The following MTERF3 variants were observed in gnomAD, a reference collection of about 807,000 sequenced individuals.
MTERF3 encodes the protein transcription termination factor 3, mitochondrial.
A neutral mutation model predicts 40.5 loss-of-function variants in MTERF3; 40 were observed. The observed-to-expected ratio is 0.99, with a 90% CI of 0.77 to 1.29. The LOEUF (loss-of-function observed/expected upper bound fraction) is 1.29, where lower values mean the gene tolerates loss of function less well. Among genes scored for constraint, MTERF3 ranks in the 50% most tolerant of loss-of-function variants. The pLI, the probability that MTERF3 is intolerant of heterozygous loss-of-function variation, is 0.00. For missense variants in MTERF3, 452 were observed against 478.2 expected (o/e 0.95, Z 0.51); for synonymous variants, 158 against 166.6 (o/e 0.95, Z 0.40).
At chr8:96,250,773 AAGG>A (rs1204102440) in intron 4 of MTERF3, 130 bp downstream of exon 4, 1 of 674,506 alleles carries the variant, frequency 1.5e-6, no homozygotes, top group Non-Finnish European at 2.3e-6. Flanking sequence ...TAGATCAAAG[AAGG>A]TCTATAACAA....
intron 7 of MTERF3, among the ~76,000 whole-genome samples, chr8:96,242,118 C>CA (rs1314226917): frequency 6.6e-6 from 1 of 152,116 alleles, no homozygotes; most frequent in African/African-American, 2.4e-5. Flanking sequence ...AAACACCAGC[C>CA]AAAAATGTAA....
chr8:96,256,848 G>A, intron 3 of MTERF3, 114 bp downstream of exon 3: 1 of 909,568 alleles, frequency 1.1e-6, no homozygotes, highest in Non-Finnish European at 1.5e-6. Context: ...TATGCTATTA[G>A]ACTTTTGCTT....
At chr8:96,259,750 GCATA>G (rs972736467) in intron 1 of MTERF3, among the ~76,000 whole-genome samples, 18 of 152,174 alleles carry the variant, frequency 1.2e-4, no homozygotes, top group Admixed American at 9.2e-4. Context: ...TTGTTTTTCT[GCATA>G]CTGGAATTCA....
chr8:96,240,002 T>G, intron 7 of MTERF3: 4 of 579,186 alleles, frequency 6.9e-6, no homozygotes, highest in Non-Finnish European at 1.2e-5. Context: ...GGCTCACGCC[T>G]TTAGTGAGGC....
intron 7 of MTERF3, among the ~76,000 whole-genome samples, chr8:96,243,454 C>T (rs1223798914): frequency 3.3e-5 from 5 of 152,152 alleles, no homozygotes; most frequent in Non-Finnish European, 7.4e-5. Flanking sequence ...TTCTTGTGAA[C>T]AGCAGATAAT....
At position 96,243,810 on chromosome 8, in the gene MTERF3, G is replaced by A. The variant is rs189333022; in HGVS notation, c.1059+109C>T. The A allele has an allele frequency of 9.8e-5, 117 of 1,189,628 alleles. 1 individual carries two copies. In the East Asian group the frequency reaches 2.5e-3, roughly 25 times the overall value. The allele number at this position is 1,189,628 out of a possible 1,614,324, so 73.7% of individuals were successfully genotyped here. A position where few individuals can be genotyped will look rare whatever the true frequency, so the allele number is the denominator to read the frequency against. Reference sequence around the variant, plus strand: ...TTCTCCTCAGGAGATGGACATTTGCGCCCTGCAAATTGTAAACTCTTCCCA... The same window carrying A: ...TTCTCCTCAGGAGATGGACATTTGCACCCTGCAAATTGTAAACTCTTCCCA... On this transcript the variant is annotated intron_variant, in intron 7 of 7. Transcript: ENST00000287025.
intron 3 of MTERF3, among the ~76,000 whole-genome samples, chr8:96,254,294 TCTA>T: frequency 6.6e-6 from 1 of 152,298 alleles, no homozygotes; most frequent in Middle Eastern, 3.4e-3. Flanking sequence ...ACACTTAAAA[TCTA>T]CTCTCTTAAC....
At chr8:96,249,324 T>C (rs1198977312) in intron 4 of MTERF3, among the ~76,000 whole-genome samples, 1 of 152,144 alleles carries the variant, frequency 6.6e-6, no homozygotes, top group Non-Finnish European at 1.5e-5. Flanking sequence ...CTCCTGGTAT[T>C]CATGCTTTCT....
At position 96,258,413 on chromosome 8, in the gene MTERF3, T is replaced by C. The variant is rs753638017; in HGVS notation, c.278A>G (p.Glu93Gly). Residue 93 changes from glutamate to glycine, a missense_variant, in exon 2 of 8, where the codon GAA becomes GGA. Physicochemically the swap from Glu to Gly is moderately conservative, Grantham distance 98. Coordinates refer to ENST00000287025, the MANE Select transcript of MTERF3 (RefSeq NM_015942.5). ...TATATTTTGTGTCTTCTGTGACTGTTCATTCATGGAAGGAAGCAGACTGCT... is the reference window on the plus strand; with the variant it reads ...TATATTTTGTGTCTTCTGTGACTGTCCATTCATGGAAGGAAGCAGACTGCT... ...AQSSLLPSMN[E>G]QSQKTQNISS... 3 of 1,614,140 alleles carry C rather than the reference T, an allele frequency of 1.9e-6. No homozygotes were observed. The East Asian group carries it at 6.7e-5, about 36-fold the overall frequency.
chr8:96,246,523 T>C (rs1239527011), intron 4 of MTERF3, 69 bp from the exon 5 acceptor site: 1 of 1,352,524 alleles, frequency 7.4e-7, no homozygotes, highest in Non-Finnish European at 9.9e-7. Context: ...TGGAGTCTCA[T>C]GCTACTTCCC....
chr8:96,244,060 A>G lies in MTERF3; in HGVS notation c.918T>C (p.Gly306=). 2 of 1,612,758 alleles carry G rather than the reference A, an allele frequency of 1.2e-6. No homozygotes were observed. Among genetic ancestry groups the G allele is most frequent in the East Asian group, 2.2e-5 (1 of 44,878 alleles). ...ENMKVYRLEL[G]FKHNEIQHMI... is the part of the protein sequence containing the mutation. ...TATGTTGAATTTCGTTATGTTTAAA[A>G]CCAAGTTCAAGACGATAAACCTAAA... The change falls in exon 7 of 8, where the codon GGT becomes GGC. Residue 306 remains glycine, a synonymous_variant. Transcript: ENST00000287025.
In MTERF3 at chr8:96,253,463, C is replaced by CA. The variant is rs570892137; in HGVS notation, c.488-2369dup. 6.6e-5 allele frequency among the ~76,000 whole-genome samples: 10 copies of CA among 152,162 alleles called. No individual in the cohort carries two copies. The South Asian group carries it at 1.7e-3, about 25-fold the overall frequency. On this transcript the variant is annotated intron_variant, in intron 3 of 7. Coordinates refer to ENST00000287025, the MANE Select transcript of MTERF3 (RefSeq NM_015942.5). ...CTGAAGCTGCCAAGAAGCCAGCTGG[C>CA]ATAGGAGCCCTGGTGCATAGGGGTT...
intron 4 of MTERF3, among the ~76,000 whole-genome samples, chr8:96,250,685 A>AAGAAGAAGAGGAAGAG (rs1810158654): frequency 3.3e-5 from 1 of 29,992 alleles, no homozygotes; most frequent in Admixed American, 3.6e-4. Context: ...AAGAAGAAGG[A>AAGAAGAAGAGGAAGAG]GGAGGAGGAG....
chr8:96,256,561 T>C (rs1563552033), intron 3 of MTERF3, among the ~76,000 whole-genome samples: 1 of 152,164 alleles, frequency 6.6e-6, no homozygotes, highest in Non-Finnish European at 1.5e-5. Flanking sequence ...GCAATATTTA[T>C]AGTCATAATT....
intron 1 of MTERF3, among the ~76,000 whole-genome samples, chr8:96,259,012 T>C (rs1429716624): frequency 6.6e-6 from 1 of 152,206 alleles, no homozygotes; most frequent in Non-Finnish European, 1.5e-5. Context: ...TCTGCAAATG[T>C]TCAAGTGACA....
chr8:96,243,075 T>C (rs575740199), intron 7 of MTERF3, among the ~76,000 whole-genome samples: 2 of 152,338 alleles, frequency 1.3e-5, no homozygotes, highest in African/African-American at 4.8e-5. Flanking sequence ...TGAAGTATAA[T>C]AGGCAAATAA....
chr8:96,243,772 ACT>A, intron 7 of MTERF3, 145 bp downstream of exon 7: 1 of 820,930 alleles, frequency 1.2e-6, no homozygotes, highest in Non-Finnish European at 1.9e-6. Flanking sequence ...AGGGAAAGAG[ACT>A]AATCACTGAT....
chr8:96,250,407 AAAACATAAAAATAAT>A (rs1390704541), intron 4 of MTERF3, among the ~76,000 whole-genome samples: 2 of 148,132 alleles, frequency 1.4e-5, no homozygotes, highest in Non-Finnish European at 3.0e-5. Flanking sequence ...TAATAAGTTG[AAAACATAAAAATAAT>A]AATGGAGCCA....
chr8:96,244,332 C>A (rs1809983663), intron 6 of MTERF3, among the ~76,000 whole-genome samples: 1 of 152,098 alleles, frequency 6.6e-6, no homozygotes, highest in Admixed American at 6.5e-5. Context: ...TGATCTTGAA[C>A]TCCTGACCTC....
Sources: gnomAD v4.1 joint callset for allele counts (sites outside exome capture counted in the v4.1 genomes callset) on GRCh38, gnomAD v4.1.1 for gene constraint, MANE v1.5 for transcripts, NCBI Gene and HGNC (gene_info 2026-07-23, HGNC 2026-07-21) for gene names.